The following EMC8 variants were observed in gnomAD, a reference collection of about 807,000 sequenced individuals.
EMC8 encodes the protein COX4 neighbor.
EMC8 carries 11 observed loss-of-function variants against 24.3 expected under a neutral mutation model. The observed-to-expected ratio is 0.45, with a 90% CI of 0.28 to 0.75. The LOEUF (loss-of-function observed/expected upper bound fraction) is 0.75. Ranked by LOEUF, EMC8 falls within the 30% of genes least tolerant of loss-of-function variation. EMC8 has a pLI of 0.12. For synonymous variants in EMC8, 145 were observed against 117.7 expected, an observed-to-expected ratio of 1.23 and a Z score of -1.50; for missense variants, 277 against 282.7, an observed-to-expected ratio of 0.98 and a Z score of 0.14.
intron 1 of EMC8, among the ~76,000 whole-genome samples, chr16:85,793,937 C>T (rs911320760): frequency 1.9e-4 from 29 of 152,106 alleles, no homozygotes; most frequent in Non-Finnish European, 4.1e-4. Flanking sequence ...ATGCAAAAAG[C>T]ATGCACAAAT....
At chr16:85,787,585 A>T (rs1904810779) in intron 2 of EMC8, 1 of 152,304 alleles carries the variant, frequency 6.6e-6, no homozygotes. Flanking sequence ...TTCATCAACA[A>T]AGGGAGGCAG....
At chr16:85,796,803 C>A (rs373888346) in intron 1 of EMC8, among the ~76,000 whole-genome samples, 2 of 152,360 alleles carry the variant, frequency 1.3e-5, no homozygotes, top group East Asian at 3.9e-4. Context: ...TCTGGGCAAC[C>A]TGACTGCCCT....
chr16:85,799,002 C>G lies in EMC8; in HGVS notation c.231+63G>C. 8.3e-7 allele frequency: 1 copy of G among 1,208,814 alleles called. No homozygotes were observed. The highest frequency in any genetic ancestry group is 1.2e-6 in the Non-Finnish European group (1 of 862,058). 74.9% of individuals were successfully genotyped at this position (1,208,814 alleles called of 1,614,324 possible). ...GGAGGGCGACCGCTGGGCCAGCTTC[C>G]TCTCTGCTGACTGAGGGGAGGCCAG... On this transcript the variant is annotated intron_variant, in intron 1 of 4. Transcript: ENST00000253457. This position sits in a 1 kb window ranked among gnomAD's most constrained non-coding sequence, Gnocchi z 4.2.
intron 2 of EMC8, among the ~76,000 whole-genome samples, chr16:85,788,448 G>A (rs1394420307): frequency 3.3e-5 from 5 of 152,270 alleles, no homozygotes; most frequent in African/African-American, 9.6e-5. Context: ...CCAAGATGAC[G>A]CAGACATATA....
chr16:85,786,497 T>C (rs1238839153), intron 2 of EMC8, among the ~76,000 whole-genome samples: 1 of 152,108 alleles, frequency 6.6e-6, no homozygotes, highest in African/African-American at 2.4e-5. Context: ...ATGACCCCGA[T>C]AGAGCCCAGG....
At chr16:85,790,512 C>T (rs1904954709) in intron 1 of EMC8, among the ~76,000 whole-genome samples, 1 of 152,194 alleles carries the variant, frequency 6.6e-6, no homozygotes, top group South Asian at 2.1e-4. Context: ...TTTCTATCAC[C>T]TCTTAATGGA....
chr16:85,785,768 T>C (rs1462544509), intron 2 of EMC8, among the ~76,000 whole-genome samples: 2 of 152,102 alleles, frequency 1.3e-5, no homozygotes, highest in Admixed American at 6.5e-5. Context: ...AGCTGCCAAC[T>C]GAAACTGCAG....
rs1904358431 is a variant in EMC8 at position 85,778,744 on chromosome 16, T to C, written c.*964A>G. The C allele has an allele frequency of 6.6e-6, 1 of 152,160 alleles. No homozygotes were observed. The highest frequency in any genetic ancestry group is 2.4e-5 in the African/African-American group (1 of 41,436). 9.4% of individuals were successfully genotyped at this position (152,160 alleles called of 1,614,324 possible). ...TTCAGGTCACACCGATCGTTACAAATTCCTCCATGGAGTCAAAGAAAAGAC... is the reference window on the plus strand; with the variant it reads ...TTCAGGTCACACCGATCGTTACAAACTCCTCCATGGAGTCAAAGAAAAGAC... On this transcript the variant is annotated 3_prime_UTR_variant, in exon 5 of 5. Coordinates refer to ENST00000253457, the MANE Select transcript of EMC8 (RefSeq NM_006067.5).
chr16:85,790,810 A>T (rs1268095436), intron 1 of EMC8, among the ~76,000 whole-genome samples: 1 of 152,012 alleles, frequency 6.6e-6, no homozygotes, highest in East Asian at 1.9e-4. Flanking sequence ...GTGACAAGTT[A>T]CACATACTTA....
At chr16:85,784,692 G>A (rs1157271148) in intron 2 of EMC8, 3 of 152,130 alleles carry the variant, frequency 2.0e-5, no homozygotes, top group South Asian at 2.1e-4. Context: ...CAGCACTAAC[G>A]GCAAGTGGTG....
intron 2 of EMC8, among the ~76,000 whole-genome samples, chr16:85,787,891 T>C (rs1904824991): frequency 6.6e-6 from 1 of 152,226 alleles, no homozygotes; most frequent in African/African-American, 2.4e-5. Context: ...TCAGAAACAC[T>C]GGTGCCTCAT....
rs143665913 is a variant in EMC8 at position 85,783,160 on chromosome 16, G to C, written c.309-1880C>G. Among the ~76,000 whole-genome samples, 456 of 152,282 alleles carry C rather than the reference G, an allele frequency of 3.0e-3. 1 individual carries two copies. The highest frequency in any genetic ancestry group is 0.01 in the African/African-American group (428 of 41,550). ...TCTACTAAAAATATAAAAACTAGCT[G>C]GGTGTGGTGATGCACATCTGTAGAC... On this transcript the variant is annotated intron_variant, in intron 2 of 4. Coordinates refer to ENST00000253457, the MANE Select transcript of EMC8 (RefSeq NM_006067.5).
chr16:85,798,114 G>GTTTT (rs1163747067), intron 1 of EMC8, among the ~76,000 whole-genome samples: 60 of 72,176 alleles, frequency 8.3e-4, no homozygotes, highest in East Asian at 1.7e-3. Flanking sequence ...ACAGAAATTC[G>GTTTT]TTTTTTTTTT....
rs1032229646 is a variant in EMC8 at position 85,799,286 on chromosome 16, C to A, written c.10G>T (p.Val4Leu). Residue 4 changes from valine to leucine, a missense_variant, in exon 1 of 5, where the codon GTG (valine) becomes TTG (leucine). Val to Leu is a conservative substitution (Grantham distance 32). Transcript: ENST00000253457. The surrounding 1 kb of genome is among the most constrained non-coding windows in gnomAD (Gnocchi z 4.2). MPG[V>L]KLTTQAYCKM... ...CAGTAGGCCTGGGTGGTCAGTTTCACCCCGGGCATGCTGACCCGGGAGGGC... is the reference window on the plus strand; with the variant it reads ...CAGTAGGCCTGGGTGGTCAGTTTCAACCCGGGCATGCTGACCCGGGAGGGC... 1 of 1,603,640 alleles carries A rather than the reference C, an allele frequency of 6.2e-7. No individual in the cohort carries two copies. The highest frequency in any genetic ancestry group is 8.5e-7 in the Non-Finnish European group (1 of 1,177,094).
chr16:85,797,665 A>G (rs1905293764), intron 1 of EMC8, among the ~76,000 whole-genome samples: 2 of 152,180 alleles, frequency 1.3e-5, no homozygotes, highest in Admixed American at 6.5e-5. Flanking sequence ...CCCAGAACTG[A>G]CTTGGGTGTC....
chr16:85,793,036 C>T (rs1191189018), intron 1 of EMC8: 1 of 152,226 alleles, frequency 6.6e-6, no homozygotes, highest in Non-Finnish European at 1.5e-5. Context: ...AGAGAAAGGA[C>T]ATTTTCACCT....
chr16:85,792,183 G>C (rs920640913), intron 1 of EMC8, among the ~76,000 whole-genome samples: 1 of 152,158 alleles, frequency 6.6e-6, no homozygotes, highest in Non-Finnish European at 1.5e-5. Context: ...TGGTACAAAA[G>C]ATGATTCCTA....
At chr16:85,796,962 C>T (rs996882844) in intron 1 of EMC8, among the ~76,000 whole-genome samples, 4 of 152,212 alleles carry the variant, frequency 2.6e-5, no homozygotes, top group Admixed American at 6.5e-5. Context: ...CAGCCATATC[C>T]CTCCTCAGCA....
Position 85,799,515 on chromosome 16 carries a change from C to A in EMC8, c.-220G>T, listed in dbSNP as rs918501059. ...GGAAGCCGCAGCCCCAGACTCCAGT[C>A]GCGCTTCTCGCCCGGCGCCGCCGGA... On this transcript the variant is annotated 5_prime_UTR_variant, in exon 1 of 5. Coordinates refer to ENST00000253457, the MANE Select transcript of EMC8 (RefSeq NM_006067.5). The surrounding 1 kb of genome is among the most constrained non-coding windows in gnomAD (Gnocchi z 4.2). The A allele has an allele frequency of 7.3e-5, 28 of 383,982 alleles. No individual in the cohort carries two copies. The highest frequency in any genetic ancestry group is 3.4e-4 in the African/African-American group (16 of 47,728). 23.8% of individuals were successfully genotyped at this position (383,982 alleles called of 1,614,324 possible).
Sources: gnomAD v4.1 joint callset for allele counts (sites outside exome capture counted in the v4.1 genomes callset) on GRCh38, gnomAD v4.1.1 for gene constraint, Gnocchi (gnomAD v3.1) non-coding constraint, MANE v1.5 for transcripts, NCBI Gene and HGNC (gene_info 2026-07-23, HGNC 2026-07-21) for gene names.